The following LRRN3 variants were observed in gnomAD, a reference collection of about 807,000 sequenced individuals.
LRRN3 encodes the protein leucine rich repeat neuronal 3.
Under a neutral mutation model 40.1 loss-of-function variants are expected in LRRN3, and 15 were observed. The observed-to-expected ratio is 0.37, with a 90% CI of 0.25 to 0.58. The LOEUF (loss-of-function observed/expected upper bound fraction) is 0.58. LRRN3 is among the 20% of genes least tolerant of loss of function. LRRN3 has a pLI of 0.72. For missense variants in LRRN3, 746 were observed against 837.7 expected (o/e 0.89, Z 1.35); for synonymous variants, 308 against 297.2 (o/e 1.04, Z -0.37).
At chr7:111,104,755 A>C in intron 2 of LRRN3, among the ~76,000 whole-genome samples, 1 of 151,828 alleles carries the variant, frequency 6.6e-6, no homozygotes, top group East Asian at 1.9e-4. Flanking sequence ...AATAAGCTGT[A>C]AGCTACACTT....
chr7:111,118,085 T>C (rs941909624), intron 2 of LRRN3, among the ~76,000 whole-genome samples: 26 of 152,124 alleles, frequency 1.7e-4, no homozygotes, highest in African/African-American at 6.0e-4. Context: ...GAATTAAGCA[T>C]TCTCTCCTTT....
chr7:111,124,932 C>CAAAAAAAAAAAAAAAAAAAAAA lies in LRRN3; in HGVS notation c.*46_*47insAAAAAAAAAAAAAAAAAAAAAA. On this transcript the variant is annotated 3_prime_UTR_variant, in exon 3 of 3. Coordinates refer to ENST00000308478, the MANE Select transcript of LRRN3 (RefSeq NM_001099658.2). Reference sequence around the variant, plus strand: ...CAAGGAAACCTACTCCAAAAATGAACAAAAAAAAAAAAAGCGAAAGACTGC... The same window carrying CAAAAAAAAAAAAAAAAAAAAAA: ...CAAGGAAACCTACTCCAAAAATGAACAAAAAAAAAAAAAAAAAAAAAAAAAAAAAAAAAAAGCGAAAGACTGC... 1.1e-6 allele frequency: 1 copy of CAAAAAAAAAAAAAAAAAAAAAA among 888,504 alleles called. No individual in the cohort carries two copies. The allele number at this position is 888,504 out of a possible 1,614,324, so 55.0% of individuals were successfully genotyped here. A position where few individuals can be genotyped will look rare whatever the true frequency, so the allele number is the denominator to read the frequency against.
intron 2 of LRRN3, among the ~76,000 whole-genome samples, chr7:111,110,719 G>A (rs1462333400): frequency 1.3e-5 from 2 of 152,110 alleles, no homozygotes; most frequent in Non-Finnish European, 2.9e-5. Flanking sequence ...ACTGAGCAAT[G>A]TGAACTATTT....
chr7:111,097,870 C>A (rs1234314897), intron 1 of LRRN3, among the ~76,000 whole-genome samples: 1 of 151,744 alleles, frequency 6.6e-6, no homozygotes, highest in Admixed American at 6.6e-5. Context: ...CAATATATAT[C>A]TACACAGATT....
chr7:111,098,223 T>C (rs1463909631), intron 1 of LRRN3, among the ~76,000 whole-genome samples: 1 of 151,926 alleles, frequency 6.6e-6, no homozygotes, highest in East Asian at 1.9e-4. Context: ...AAACACATAG[T>C]TTATATTTGT....
chr7:111,095,431 A>C (rs1162278151), intron 1 of LRRN3, among the ~76,000 whole-genome samples: 1 of 152,104 alleles, frequency 6.6e-6, no homozygotes. Context: ...AAATCCCCCC[A>C]AATTCACAGA....
intron 2 of LRRN3, among the ~76,000 whole-genome samples, chr7:111,119,531 G>T (rs1204282510): frequency 6.6e-6 from 1 of 152,124 alleles, no homozygotes; most frequent in Non-Finnish European, 1.5e-5. Context: ...ACATTCCTTT[G>T]TATTAGCCTG....
chr7:111,112,781 T>C (rs993801290), intron 2 of LRRN3, among the ~76,000 whole-genome samples: 1 of 152,302 alleles, frequency 6.6e-6, no homozygotes, highest in Admixed American at 6.5e-5. Context: ...ATCGCTATTA[T>C]CGTCTTCCTT....
intron 1 of LRRN3, among the ~76,000 whole-genome samples, chr7:111,092,142 T>C (rs1035733279): frequency 6.6e-6 from 1 of 152,156 alleles, no homozygotes; most frequent in African/African-American, 2.4e-5. Context: ...TCTTACGGAC[T>C]GGGGTAAATG....
At chr7:111,110,831 G>A (rs1010777171) in intron 2 of LRRN3, among the ~76,000 whole-genome samples, 1 of 152,088 alleles carries the variant, frequency 6.6e-6, no homozygotes, top group Non-Finnish European at 1.5e-5. Context: ...GTAAAGTTAG[G>A]TGAATGTCCC....
chr7:111,102,842 T>TA (rs768063347), intron 2 of LRRN3, among the ~76,000 whole-genome samples: 85 of 151,702 alleles, frequency 5.6e-4, no homozygotes, highest in Admixed American at 4.3e-3. Context: ...ATAATATGTA[T>TA]AAAATAATTA....
rs1368533430 is a variant in LRRN3 at position 111,123,664 on chromosome 7, A to T, written c.892A>T (p.Ile298Phe). ...ELGINNMPEL[I>F]SIDSLAVDNL... ...GGGGATAAATAATATGCCTGAGCTG[A>T]TTTCCATCGATAGTCTTGCTGTGGA... The change falls in exon 3 of 3, where the codon ATT (isoleucine) becomes TTT (phenylalanine). Residue 298 changes from isoleucine (I) to phenylalanine (F), a missense_variant. Transcript: ENST00000308478. This position sits in a 1 kb window ranked among gnomAD's most constrained non-coding sequence, Gnocchi z 6.4. 1 of 1,613,958 alleles carries T rather than the reference A, an allele frequency of 6.2e-7. No individual in the cohort carries two copies. Among genetic ancestry groups the T allele is most frequent in the South Asian group, 1.1e-5 (1 of 91,084 alleles).
At chr7:111,102,047 T>C (rs1054594431) in intron 2 of LRRN3, among the ~76,000 whole-genome samples, 1 of 151,168 alleles carries the variant, frequency 6.6e-6, no homozygotes, top group Admixed American at 6.6e-5. Flanking sequence ...GCCAATATGA[T>C]TAATGAGTGA....
chr7:111,115,634 C>T (rs1282678390), intron 2 of LRRN3, among the ~76,000 whole-genome samples: 3 of 151,612 alleles, frequency 2.0e-5, no homozygotes, highest in South Asian at 4.2e-4. Context: ...GAGACATTTG[C>T]AATTATTTTT....
intron 1 of LRRN3, 87 bp from the exon 2 acceptor site, chr7:111,099,794 T>A (rs1223545861): frequency 6.6e-6 from 1 of 151,708 alleles, no homozygotes; most frequent in Admixed American, 6.6e-5. Flanking sequence ...ATGAATAACC[T>A]AACATGTAAG....
chr7:111,093,964 G>A (rs1329345204), intron 1 of LRRN3, among the ~76,000 whole-genome samples: 2 of 152,122 alleles, frequency 1.3e-5, no homozygotes, highest in Non-Finnish European at 2.9e-5. Flanking sequence ...GGTTGTTGTT[G>A]TTAATGGCTT....
chr7:111,100,929 A>T (rs1797903227), intron 2 of LRRN3, among the ~76,000 whole-genome samples: 1 of 151,552 alleles, frequency 6.6e-6, no homozygotes, highest in African/African-American at 2.4e-5. Flanking sequence ...AGTTTTGAAA[A>T]TATTTGAAAA....
At chr7:111,121,606 A>G (rs1800625496) in intron 2 of LRRN3, among the ~76,000 whole-genome samples, 1 of 152,204 alleles carries the variant, frequency 6.6e-6, no homozygotes, top group Non-Finnish European at 1.5e-5. Flanking sequence ...ATGTGGAGAA[A>G]TAGGAACACT....
At chr7:111,119,438 T>C (rs577802557) in intron 2 of LRRN3, among the ~76,000 whole-genome samples, 74 of 152,304 alleles carry the variant, frequency 4.9e-4, no homozygotes, top group Non-Finnish European at 8.4e-4. Flanking sequence ...AATTGGCATG[T>C]AGAAAGTGCT....
Sources: gnomAD v4.1 joint callset for allele counts (sites outside exome capture counted in the v4.1 genomes callset) on GRCh38, gnomAD v4.1.1 for gene constraint, Gnocchi (gnomAD v3.1) non-coding constraint, MANE v1.5 for transcripts, NCBI Gene and HGNC (gene_info 2026-07-23, HGNC 2026-07-21) for gene names.